Variants in PRKAR2A observed in about 807,000 individuals in gnomAD.
The protein encoded by PRKAR2A is protein kinase cAMP-dependent type II regulatory subunit alpha.
PRKAR2A carries 29 observed loss-of-function variants against 51.9 expected under a neutral mutation model. The ratio of observed to expected loss-of-function variants is 0.56; its 90% CI spans 0.42 to 0.76. The LOEUF (loss-of-function observed/expected upper bound fraction) is 0.76. Ranked by LOEUF, PRKAR2A falls within the 30% of genes least tolerant of loss-of-function variation. PRKAR2A has a pLI of 0.00. For synonymous variants in PRKAR2A, 178 were observed against 186.2 expected, an observed-to-expected ratio of 0.96 and a Z score of 0.36; for missense variants, 445 against 512.1, an observed-to-expected ratio of 0.87 and a Z score of 1.26.
At chr3:48,787,207 C>CA (rs2082308901) in intron 4 of PRKAR2A, among the ~76,000 whole-genome samples, 1 of 151,942 alleles carries the variant, frequency 6.6e-6, no homozygotes, top group African/African-American at 2.4e-5. Context: ...TTTAATGAGA[C>CA]AGAGTTTCAC....
intron 1 of PRKAR2A, among the ~76,000 whole-genome samples, chr3:48,845,189 T>C (rs1575968180): frequency 6.6e-6 from 1 of 152,242 alleles, no homozygotes; most frequent in Non-Finnish European, 1.5e-5. Flanking sequence ...GATAAGAAAA[T>C]CTGAGATCAA....
rs1397068771 is a variant in PRKAR2A at position 48,751,350 on chromosome 3, A to G, written c.*235T>C. 1.5e-6 allele frequency: 1 copy of G among 672,950 alleles called. No individual in the cohort carries two copies. Among genetic ancestry groups the G allele is most frequent in the Admixed American group, 2.0e-5 (1 of 48,872 alleles). The allele number at this position is 672,950 out of a possible 1,614,324, so 41.7% of individuals were successfully genotyped here. On this transcript the variant is annotated 3_prime_UTR_variant, in exon 11 of 11. Coordinates refer to ENST00000265563, the MANE Select transcript of PRKAR2A (RefSeq NM_004157.4). ...AAGATATAAAAACTGGGTTGGAGTA[A>G]TCTTTACAAGTGGTCTAATGAATGG...
chr3:48,771,441 A>C (rs2082027455), intron 6 of PRKAR2A, among the ~76,000 whole-genome samples: 3 of 152,134 alleles, frequency 2.0e-5, no homozygotes, highest in Admixed American at 2.0e-4. Flanking sequence ...TCAGGAGGTC[A>C]AGGCTGCAGT....
intron 5 of PRKAR2A, among the ~76,000 whole-genome samples, chr3:48,781,900 C>T (rs2082202784): frequency 6.6e-6 from 1 of 152,164 alleles, no homozygotes; most frequent in Admixed American, 6.6e-5. Context: ...CCTGCCTCGG[C>T]CTCTCAAAGT....
At chr3:48,804,774 G>A (rs2082648049) in intron 2 of PRKAR2A, among the ~76,000 whole-genome samples, 1 of 152,164 alleles carries the variant, frequency 6.6e-6, no homozygotes, top group East Asian at 1.9e-4. Context: ...ATCCTTGGAG[G>A]AGAGGAGGTC....
intron 1 of PRKAR2A, among the ~76,000 whole-genome samples, chr3:48,811,929 C>T (rs1251775903): frequency 6.6e-6 from 1 of 151,720 alleles, no homozygotes; most frequent in East Asian, 1.9e-4. Flanking sequence ...ACCAGAAAAA[C>T]ACAAAGTAGA....
chr3:48,756,902 G>A (rs2081779876), intron 8 of PRKAR2A, among the ~76,000 whole-genome samples: 2 of 152,186 alleles, frequency 1.3e-5, no homozygotes, highest in Non-Finnish European at 2.9e-5. Flanking sequence ...ACCATACACA[G>A]CTAGGCTGAT....
At position 48,847,239 on chromosome 3, in the gene PRKAR2A, T is replaced by C; in HGVS notation, c.262+96A>G. On this transcript the variant is annotated intron_variant, in intron 1 of 10. Transcript: ENST00000265563. The surrounding 1 kb of genome is among the most constrained non-coding windows in gnomAD (Gnocchi z 4.4). ...CAGAGCTCCCAATCCCAGCCTGCGGTCGGCTTGGCTGCGGCGCGACACCTG... is the reference window on the plus strand; with the variant it reads ...CAGAGCTCCCAATCCCAGCCTGCGGCCGGCTTGGCTGCGGCGCGACACCTG... 1 of 1,445,478 alleles carries C rather than the reference T, an allele frequency of 6.9e-7. No homozygotes were observed. The highest frequency in any genetic ancestry group is 9.3e-7 in the Non-Finnish European group (1 of 1,075,774). The allele number at this position is 1,445,478 out of a possible 1,614,324, so 89.5% of individuals were successfully genotyped here.
intron 5 of PRKAR2A, among the ~76,000 whole-genome samples, chr3:48,776,388 A>G (rs1364475824): frequency 6.6e-6 from 1 of 152,210 alleles, no homozygotes; most frequent in Non-Finnish European, 1.5e-5. Context: ...TTCACCAGGT[A>G]ATATCTATAA....
At chr3:48,755,073 C>T (rs905463538) in intron 9 of PRKAR2A, among the ~76,000 whole-genome samples, 5 of 148,156 alleles carry the variant, frequency 3.4e-5, no homozygotes, top group African/African-American at 1.0e-4. Context: ...TCTCAGCTCA[C>T]GCAAGCTCTG....
At chr3:48,839,346 T>A (rs2083340093) in intron 1 of PRKAR2A, among the ~76,000 whole-genome samples, 1 of 149,474 alleles carries the variant, frequency 6.7e-6, no homozygotes, top group African/African-American at 2.5e-5. Flanking sequence ...AAACCAATTA[T>A]ACATTCTAAA....
At position 48,807,662 on chromosome 3, in the gene PRKAR2A, A is replaced by G; in HGVS notation, c.285T>C (p.Asn95=). The G allele has an allele frequency of 1.9e-6, 3 of 1,601,440 alleles. No homozygotes were observed. Among genetic ancestry groups the G allele is most frequent in the East Asian group, 2.2e-5 (1 of 44,726 alleles). The change falls in exon 2 of 11, where the codon AAT becomes AAC. Residue 95 remains asparagine (N), a synonymous_variant. Transcript: ENST00000265563. ...DLEVPVPSRF[N]RRVSVCAETY... ...TAGAACACATACCTGATACTCGTCT[A>G]TTAAATCTGCTAGGAACTGGAACTG...
intron 5 of PRKAR2A, 98 bp from the exon 6 acceptor site, chr3:48,773,206 T>C: frequency 2.0e-6 from 2 of 1,001,242 alleles, no homozygotes; most frequent in Non-Finnish European, 1.4e-6. Context: ...TTTAAGAGAT[T>C]TCCAATGGAA....
In PRKAR2A at chr3:48,847,666, G is replaced by A. The variant is rs887199229; in HGVS notation, c.-70C>T. The A allele has an allele frequency of 4.4e-6, 6 of 1,369,092 alleles. No individual in the cohort carries two copies. Among genetic ancestry groups the A allele is most frequent in the African/African-American group, 1.5e-5 (1 of 64,854 alleles). The allele number at this position is 1,369,092 out of a possible 1,614,324, so 84.8% of individuals were successfully genotyped here. A position where few individuals can be genotyped will look rare whatever the true frequency, so the allele number is the denominator to read the frequency against. On this transcript the variant is annotated 5_prime_UTR_variant, in exon 1 of 11. Transcript: ENST00000265563. The surrounding 1 kb of genome is among the most constrained non-coding windows in gnomAD (Gnocchi z 4.4). ...CACTGTCTCCGCGCTCACTCACGCCGGCCTTTCGCTCCGCGCCCGCGAGGT... is the reference window on the plus strand; with the variant it reads ...CACTGTCTCCGCGCTCACTCACGCCAGCCTTTCGCTCCGCGCCCGCGAGGT...
Position 48,847,255 on chromosome 3 carries a change from GCGACACC to G in PRKAR2A, c.262+73_262+79del. ...AGCCTGCGGTCGGCTTGGCTGCGGC[GCGACACC>G]TGGCTCCCTGCCACCCCTCTAGACC... is the stretch of plus-strand genomic sequence containing the variant. On this transcript the variant is annotated intron_variant, in intron 1 of 10. Coordinates refer to ENST00000265563, the MANE Select transcript of PRKAR2A (RefSeq NM_004157.4). This position sits in a 1 kb window ranked among gnomAD's most constrained non-coding sequence, Gnocchi z 4.4. The G allele has an allele frequency of 6.6e-7, 1 of 1,504,834 alleles. No individual in the cohort carries two copies. Among genetic ancestry groups the G allele is most frequent in the Non-Finnish European group, 9.0e-7 (1 of 1,116,938 alleles). The allele number at this position is 1,504,834 out of a possible 1,614,324, so 93.2% of individuals were successfully genotyped here.
intron 3 of PRKAR2A, among the ~76,000 whole-genome samples, chr3:48,792,507 G>T (rs1276292073): frequency 1.5e-5 from 2 of 135,072 alleles, no homozygotes; most frequent in Non-Finnish European, 3.1e-5. Flanking sequence ...TGTCACCCAG[G>T]CTGGAGTGCA....
At position 48,747,732 on chromosome 3, in the gene PRKAR2A, A is replaced by G. The variant is rs2107176621; in HGVS notation, c.*3853T>C. On this transcript the variant is annotated 3_prime_UTR_variant, in exon 11 of 11. Transcript: ENST00000265563. ...AGGAAGGCTCTCAGGAATATTCTCT[A>G]CCATCCAAAATCAACAGCAAAGCCA... The G allele has an allele frequency of 6.6e-6, 1 of 152,336 alleles. No individual in the cohort carries two copies. Among genetic ancestry groups the G allele is most frequent in the South Asian group, 2.1e-4 (1 of 4,834 alleles). The allele number at this position is 152,336 out of a possible 1,614,324, so 9.4% of individuals were successfully genotyped here. A position where few individuals can be genotyped will look rare whatever the true frequency, so the allele number is the denominator to read the frequency against.
At chr3:48,812,465 A>G (rs1282938806) in intron 1 of PRKAR2A, among the ~76,000 whole-genome samples, 6 of 151,798 alleles carry the variant, frequency 4.0e-5, no homozygotes, top group Non-Finnish European at 1.5e-5. Flanking sequence ...TTGGTGTTAC[A>G]GGCAACTTTG....
rs2081623962 is a variant in PRKAR2A, at chr3:48,750,185, G to A, written c.*1400C>T. 6.6e-6 allele frequency: 1 copy of A among 152,120 alleles called. No individual in the cohort carries two copies. The highest frequency in any genetic ancestry group is 2.4e-5 in the African/African-American group (1 of 41,424). The allele number at this position is 152,120 out of a possible 1,614,324, so 9.4% of individuals were successfully genotyped here. A position where few individuals can be genotyped will look rare whatever the true frequency, so the allele number is the denominator to read the frequency against. ...TTGAGACCAGCCTGACCAACACAGA[G>A]AAACCCTGTCTCTATTAAAAATACA... On this transcript the variant is annotated 3_prime_UTR_variant, in exon 11 of 11. Transcript: ENST00000265563.
Sources: gnomAD v4.1 joint callset for allele counts (sites outside exome capture counted in the v4.1 genomes callset) on GRCh38, gnomAD v4.1.1 for gene constraint, Gnocchi (gnomAD v3.1) non-coding constraint, MANE v1.5 for transcripts, NCBI Gene and HGNC (gene_info 2026-07-23, HGNC 2026-07-21) for gene names.